Variants in RNF128 observed in about 807,000 individuals in gnomAD.
RNF128 encodes E3 ubiquitin-protein ligase RNF128.
In RNF128, 13 loss-of-function variants were observed where a neutral mutation model predicts 26.2. The ratio of observed to expected loss-of-function variants is 0.50; its 90% confidence interval spans 0.32 to 0.79. The LOEUF is 0.79. Ranked by LOEUF, RNF128 falls within the 30% of genes least tolerant of loss-of-function variation. The probability of loss-of-function intolerance (pLI) is 0.03; values close to 1 mark genes in which losing one functional copy is unlikely to be tolerated. For synonymous variants in RNF128, 149 were observed against 142.5 expected (o/e 1.05, Z -0.32); for missense variants, 315 against 349.7 (o/e 0.90, Z 0.79).
At chrX:106,704,372 G>A (rs1025726674) in intron 1 of RNF128, among the ~76,000 whole-genome samples, 1 of 103,535 alleles carries the variant, frequency 9.7e-6, no homozygotes, top group Non-Finnish European at 2.0e-5. Context: ...GGCGGAGCTT[G>A]CAGTGAGCTG....
At position 106,785,127 on chromosome X, in the gene RNF128, A is replaced by C; in HGVS notation, c.795A>C (p.Gln265His). The change falls in exon 3 of 7, where the codon CAA becomes CAC. Residue 265 changes from glutamine (Q) to histidine (H), a missense_variant. Gln to His is a conservative substitution (Grantham distance 24). Transcript: ENST00000255499. ...GGCTTCAACTACGCACACTGAAACA[A>C]GGAGACAAGGTACATTCATGACTTT... ...IGRLQLRTLK[Q>H]GDKEIGPDGD... is the part of the protein sequence containing the mutation. 1 of 1,179,147 alleles carries C rather than the reference A, an allele frequency of 8.5e-7. No individual in the cohort carries two copies. Among genetic ancestry groups the C allele is most frequent in the Admixed American group, 2.5e-5 (1 of 40,075 alleles).
chrX:106,724,029 T>C (rs1929356934), upstream of RNF128, among the ~76,000 whole-genome samples: 1 of 110,998 alleles, frequency 9.0e-6, no homozygotes, highest in Non-Finnish European at 1.9e-5. Flanking sequence ...ATCACACAGT[T>C]CTACCTGGTT....
Position 106,787,221 on chromosome X carries a change from A to C in RNF128, c.805-697A>C, listed in dbSNP as rs140115610. Among the ~76,000 whole-genome samples, 50 of 111,822 alleles carry C rather than the reference A, an allele frequency of 4.5e-4. No homozygotes were observed. In the East Asian group the frequency reaches 0.013, roughly 29 times the overall value. ...ATATTGTTCAACTGGTGAATGGATA[A>C]ACTGTGGTACATACATATCATGGTA... On this transcript the variant is annotated intron_variant, in intron 3 of 6. Transcript: ENST00000255499.
intron 4 of RNF128, among the ~76,000 whole-genome samples, chrX:106,789,121 TA>T (rs1449220433): frequency 1.1e-5 from 1 of 87,100 alleles, no homozygotes; most frequent in Non-Finnish European, 2.2e-5. Flanking sequence ...CTATATATAC[TA>T]TATACTATAT....
At chrX:106,723,229 T>C (rs1278948299), upstream of RNF128, among the ~76,000 whole-genome samples, 1 of 112,396 alleles carries the variant, frequency 8.9e-6, no homozygotes, top group African/African-American at 3.2e-5. Context: ...ATTTGCTTTA[T>C]GTATGTGTAT....
At chrX:106,695,937 C>T (rs1017097587) in intron 1 of RNF128, among the ~76,000 whole-genome samples, 18 of 111,048 alleles carry the variant, frequency 1.6e-4, no homozygotes, top group Non-Finnish European at 2.8e-4. Flanking sequence ...ATGTAGGTAC[C>T]CTGCCAGTAA....
intron 3 of RNF128, among the ~76,000 whole-genome samples, chrX:106,786,783 C>G (rs1227304610): frequency 4.5e-5 from 5 of 110,805 alleles, no homozygotes; most frequent in Non-Finnish European, 9.5e-5. Context: ...TAATAGAAAA[C>G]TGGCAAGCAA....
In RNF128 at chrX:106,731,669, T is replaced by C. The variant is rs528611524; in HGVS notation, c.484+4272T>C. Among the ~76,000 whole-genome samples, 95 of 111,375 alleles carry C rather than the reference T, an allele frequency of 8.5e-4. No individual in the cohort carries two copies. In the South Asian group the frequency reaches 0.014, roughly 17 times the overall value. ...GTGTCTTCCTTCCTTGCCTCTCTTT[T>C]GTTTCATTACTATTTTATTAATTCA... On this transcript the variant is annotated intron_variant, in intron 1 of 6. Transcript: ENST00000255499.
intron 1 of RNF128, among the ~76,000 whole-genome samples, chrX:106,756,009 C>G (rs940639373): frequency 9.1e-6 from 1 of 110,072 alleles, no homozygotes; most frequent in African/African-American, 3.3e-5. Flanking sequence ...GAATAAAATA[C>G]CTAGGAATCC....
chrX:106,772,592 A>G (rs1410960820), intron 1 of RNF128, among the ~76,000 whole-genome samples: 1 of 111,397 alleles, frequency 9.0e-6, no homozygotes, highest in African/African-American at 3.3e-5. Flanking sequence ...TCTTTAAGCA[A>G]GCCTTCATAT....
Position 106,710,359 on chromosome X carries a change from T to C in RNF128, c.406+15951T>C, listed in dbSNP as rs573697635. On this transcript the variant is annotated intron_variant, in intron 1 of 6. Transcript: ENST00000324342. ...GGTATAAGCAATTATGGATAATACA[T>C]TAGGAAACTCAGAGAACTACAGTTT... Among the ~76,000 whole-genome samples, 46 of 112,408 alleles carry C rather than the reference T, an allele frequency of 4.1e-4. 1 individual carries two copies. The South Asian group carries it at 7.3e-3, about 18-fold the overall frequency.
chrX:106,766,189 T>C (rs1930233299), intron 1 of RNF128, among the ~76,000 whole-genome samples: 1 of 112,103 alleles, frequency 8.9e-6, no homozygotes, highest in Admixed American at 9.5e-5. Flanking sequence ...TGTGCATGTG[T>C]CTTTATAGCA....
intron 3 of RNF128, 25 bp downstream of exon 3, chrX:106,785,161 A>G (rs983825309): frequency 1.0e-5 from 11 of 1,078,594 alleles, no homozygotes; most frequent in African/African-American, 7.6e-5. Context: ...TTTAAATGCT[A>G]TTTATTTTAA....
intron 1 of RNF128, among the ~76,000 whole-genome samples, chrX:106,740,808 A>C (rs891517514): frequency 9.0e-6 from 1 of 111,448 alleles, no homozygotes; most frequent in Non-Finnish European, 1.9e-5. Context: ...CTCTCTCTAA[A>C]ACCTCAAAGT....
intron 6 of RNF128, 65 bp from the exon 7 acceptor site, chrX:106,795,515 G>A (rs1289779723): frequency 1.9e-6 from 2 of 1,041,404 alleles, no homozygotes; most frequent in Non-Finnish European, 2.6e-6. Flanking sequence ...GGAAGTAAAT[G>A]TTGAATTTTG....
At chrX:106,748,494 A>G (rs888970586) in intron 1 of RNF128, among the ~76,000 whole-genome samples, 2 of 112,080 alleles carry the variant, frequency 1.8e-5, no homozygotes, top group Non-Finnish European at 3.8e-5. Flanking sequence ...TTGATATTGC[A>G]GCACTATTTA....
At chrX:106,746,109 G>A (rs1288124603) in intron 1 of RNF128, among the ~76,000 whole-genome samples, 1 of 111,421 alleles carries the variant, frequency 9.0e-6, no homozygotes, top group East Asian at 2.8e-4. Context: ...ATTCAGAAGT[G>A]CTGACCCTAT....
At chrX:106,727,442 G>T in intron 1 of RNF128, 45 bp downstream of exon 1, 1 of 1,192,048 alleles carries the variant, frequency 8.4e-7, no homozygotes. Flanking sequence ...CTCTGCCATG[G>T]CCAGTTTCTC....
intron 1 of RNF128, among the ~76,000 whole-genome samples, chrX:106,729,035 G>A (rs1421700083): frequency 8.9e-6 from 1 of 111,772 alleles, no homozygotes; most frequent in Non-Finnish European, 1.9e-5. Context: ...GTTTGACTTT[G>A]TCTTCTAATG....
Sources: gnomAD v4.1 joint callset for allele counts (sites outside exome capture counted in the v4.1 genomes callset) on GRCh38, gnomAD v4.1.1 for gene constraint, MANE v1.5 for transcripts, NCBI Gene and HGNC (gene_info 2026-07-23, HGNC 2026-07-21) for gene names.